The following ZNF469 variants were observed in gnomAD, a reference collection of about 807,000 sequenced individuals.
ZNF469 encodes the protein zinc finger protein 469.
A neutral mutation model predicts 1.0 loss-of-function variants in ZNF469; 1 was observed. The observed-to-expected ratio is 1.00, with a 90% CI of 0.35 to 4.73. The LOEUF is 4.73. Among genes scored for constraint, ZNF469 ranks in the 30% most tolerant of loss-of-function variants. ZNF469 has a pLI of 0.16. For synonymous variants in ZNF469, 2,703 were observed against 2,363.4 expected (o/e 1.14, Z -4.17); for missense variants, 6,100 against 5,356.3 (o/e 1.14, Z -4.33).
the ZNF469 span, among the ~76,000 whole-genome samples, chr16:88,343,045 G>A: frequency 6.6e-6 from 1 of 152,180 alleles, no homozygotes; most frequent in South Asian, 2.1e-4. Context: ...ATAGCACACG[G>A]GGACTGAGAA....
the ZNF469 span, among the ~76,000 whole-genome samples, chr16:88,162,605 C>T: frequency 1.3e-5 from 2 of 152,010 alleles, no homozygotes; most frequent in Non-Finnish European, 2.9e-5. Flanking sequence ...AAAATAAATA[C>T]ACACAAATGT....
In ZNF469 at chr16:88,428,553, T is replaced by G. The variant is rs1195495101; in HGVS notation, c.1083T>G (p.Ala361=). Residue 361 remains alanine (A), a synonymous_variant, in exon 3 of 3, where the codon GCT becomes GCG. Coordinates refer to ENST00000565624, the MANE Select transcript of ZNF469 (RefSeq NM_001367624.2). ...LSGALSSPGA[A]HSAPRPFSDS... ...GTGCCCTCTCTTCCCCTGGAGCTGC[T>G]CACTCGGCCCCGAGACCCTTCTCTG... 3 of 1,549,918 alleles carry G rather than the reference T, an allele frequency of 1.9e-6. No individual in the cohort carries two copies. The African/African-American group carries it at 4.1e-5, about 21-fold the overall frequency.
intron 1 of ZNF469, among the ~76,000 whole-genome samples, chr16:88,396,052 T>C (rs766955227): frequency 1.1e-4 from 16 of 152,358 alleles, no homozygotes; most frequent in Middle Eastern, 3.4e-3. Flanking sequence ...CCATCTGTCG[T>C]GTATCCACTC....
In ZNF469 at chr16:88,434,930, T is replaced by A; in HGVS notation, c.7460T>A (p.Leu2487Gln). 6.5e-7 allele frequency: 1 copy of A among 1,550,154 alleles called. No individual in the cohort carries two copies. Among genetic ancestry groups the A allele is most frequent in the Non-Finnish European group, 8.7e-7 (1 of 1,146,958 alleles). The stretch of plus-strand genomic sequence containing the variant: ...GCCTCCTTCCGCTCCGGGCCGGGCC[T>A]GAGCCGGCACAAGGCCAGGAAGCAC... ...CAASFRSGPGLSRHKARKHRP... is the reference protein window; with the variant it reads ...CAASFRSGPGQSRHKARKHRP... The change falls in exon 3 of 3, where the codon CTG (leucine) becomes CAG (glutamine). Residue 2487 changes from leucine (L) to glutamine (Q), a missense_variant. By Grantham distance (113) the Leu-to-Gln change is moderately radical. Transcript: ENST00000565624.
the ZNF469 span, among the ~76,000 whole-genome samples, chr16:88,117,304 C>T: frequency 4.6e-5 from 7 of 152,064 alleles, no homozygotes; most frequent in Non-Finnish European, 1.5e-5. Context: ...GCGTGAGAGC[C>T]AGGACAGATG....
chr16:88,285,383 A>G, the ZNF469 span, among the ~76,000 whole-genome samples: 1 of 152,260 alleles, frequency 6.6e-6, no homozygotes, highest in Non-Finnish European at 1.5e-5. Flanking sequence ...CAGGTGCAGC[A>G]GCCATGGTCA....
the ZNF469 span, among the ~76,000 whole-genome samples, chr16:88,266,160 C>T: frequency 6.6e-6 from 1 of 152,252 alleles, no homozygotes; most frequent in African/African-American, 2.4e-5. Flanking sequence ...GTGAGGCTGG[C>T]TGGCCACTGT....
chr16:88,323,918 CT>C, the ZNF469 span, among the ~76,000 whole-genome samples: 1 of 152,252 alleles, frequency 6.6e-6, no homozygotes, highest in African/African-American at 2.4e-5. Flanking sequence ...CATTTCACCC[CT>C]CCCAGTTCCC....
chr16:88,430,710 C>T lies in ZNF469; in HGVS notation c.3240C>T (p.Pro1080=), dbSNP rs748311445. The T allele has an allele frequency of 1.1e-4, 166 of 1,482,270 alleles. 2 individuals are homozygous for T. The Middle Eastern group carries it at 2.6e-3, about 23-fold the overall frequency. 91.8% of individuals were successfully genotyped at this position (1,482,270 alleles called of 1,614,324 possible). Reference sequence around the variant, plus strand: ...GCGGCTCCCTGGCGGCGGGGAGGCCCCGGCCCGGAGCTGAGGACCGCAGGC... The same window carrying T: ...GCGGCTCCCTGGCGGCGGGGAGGCCTCGGCCCGGAGCTGAGGACCGCAGGC... ...GRCGSLAAGR[P]RPGAEDRRLR... Residue 1080 remains proline (P), a synonymous_variant, in exon 3 of 3, where the codon CCC becomes CCT. Coordinates refer to ENST00000565624, the MANE Select transcript of ZNF469 (RefSeq NM_001367624.2).
the ZNF469 span, among the ~76,000 whole-genome samples, chr16:88,323,083 C>T: frequency 2.1e-4 from 32 of 152,200 alleles, no homozygotes; most frequent in African/African-American, 7.0e-4. Context: ...CAGTTCCCCT[C>T]GTCTGTAAAG....
the ZNF469 span, among the ~76,000 whole-genome samples, chr16:88,249,484 T>G: frequency 7.6e-6 from 1 of 131,980 alleles, no homozygotes; most frequent in Middle Eastern, 4.0e-3. Context: ...TCAGCCAGGC[T>G]GGAGTGCAGT....
the ZNF469 span, among the ~76,000 whole-genome samples, chr16:88,372,024 C>T: frequency 4.0e-5 from 6 of 150,868 alleles, no homozygotes; most frequent in African/African-American, 1.5e-4. Flanking sequence ...CCATCACCAT[C>T]ATCACCATCA....
chr16:88,410,655 G>A (rs1270333227), intron 1 of ZNF469, among the ~76,000 whole-genome samples: 1 of 150,680 alleles, frequency 6.6e-6, no homozygotes, highest in Non-Finnish European at 1.5e-5. Flanking sequence ...GCTGTTGATG[G>A]TGCAAGTCAC....
Position 88,429,945 on chromosome 16 carries a change from C to T in ZNF469, c.2475C>T (p.Phe825=), listed in dbSNP as rs755782224. The stretch of plus-strand genomic sequence containing the variant: ...TGCCCAGCCTGGCCGCCACCCCCTT[C>T]CCGCTCCCTGCCTCGGACCTGGACA... ...GFLPSLAATP[F]PLPASDLDME... The change falls in exon 3 of 3, where the codon TTC becomes TTT. Residue 825 remains phenylalanine (F), a synonymous_variant. Transcript: ENST00000565624. The T allele has an allele frequency of 1.4e-5, 22 of 1,550,230 alleles. No homozygotes were observed. The South Asian group carries it at 2.6e-4, about 18-fold the overall frequency.
chr16:88,430,824 C>A lies in ZNF469; in HGVS notation c.3354C>A (p.Gly1118=). The part of the protein sequence containing the change: ...GPGFRGRRGR[G]EKRKEVELTQ... ...GCTTCAGAGGCCGGCGGGGCCGAGGCGAGAAGAGGAAGGAAGTGGAGCTGA... is the reference window on the plus strand; with the variant it reads ...GCTTCAGAGGCCGGCGGGGCCGAGGAGAGAAGAGGAAGGAAGTGGAGCTGA... Residue 1118 remains glycine (G), a synonymous_variant, in exon 3 of 3, where the codon GGC becomes GGA. Transcript: ENST00000565624. 6.5e-7 allele frequency: 1 copy of A among 1,533,520 alleles called. No individual in the cohort carries two copies. Among genetic ancestry groups the A allele is most frequent in the Middle Eastern group, 1.7e-4 (1 of 5,828 alleles). 95.0% of individuals were successfully genotyped at this position (1,533,520 alleles called of 1,614,324 possible). A position where few individuals can be genotyped will look rare whatever the true frequency, so the allele number is the denominator to read the frequency against.
At chr16:88,315,560 T>G in the ZNF469 span, among the ~76,000 whole-genome samples, 9 of 152,160 alleles carry the variant, frequency 5.9e-5, no homozygotes, top group Non-Finnish European at 1.2e-4. Flanking sequence ...GCCAGGTGAC[T>G]TTGCAGAGGA....
chr16:88,420,607 A>G (rs1462542554), intron 1 of ZNF469, among the ~76,000 whole-genome samples: 2 of 152,184 alleles, frequency 1.3e-5, no homozygotes, highest in Non-Finnish European at 2.9e-5. Flanking sequence ...TTGCAGGATC[A>G]TGGAGACACG....
the ZNF469 span, among the ~76,000 whole-genome samples, chr16:88,242,671 TC>T: frequency 6.6e-6 from 1 of 152,246 alleles, no homozygotes; most frequent in East Asian, 1.9e-4. Context: ...CCGCCCCCTT[TC>T]CCAGGCAGGG....
the ZNF469 span, among the ~76,000 whole-genome samples, chr16:88,173,231 A>G: frequency 6.6e-6 from 1 of 152,174 alleles, no homozygotes; most frequent in African/African-American, 2.4e-5. Context: ...ATAAGAAAAA[A>G]CATATTATGT....
Sources: allele counts gnomAD v4.1 joint callset (sites outside exome capture counted in the v4.1 genomes callset), GRCh38; gene constraint gnomAD v4.1.1; transcripts MANE v1.5; gene names NCBI Gene and HGNC (gene_info 2026-07-23, HGNC 2026-07-21).